Variants in PCDHA12 observed in about 807,000 individuals in gnomAD.
PCDHA12 encodes protocadherin alpha 12.
A neutral mutation model predicts 60.0 loss-of-function variants in PCDHA12; 44 were observed. The observed-to-expected ratio is 0.73, with a 90% CI of 0.58 to 0.94. The LOEUF is 0.94. Ranked by LOEUF, PCDHA12 falls within the 40% of genes least tolerant of loss-of-function variation. PCDHA12 has a pLI of 0.00. For missense variants in PCDHA12, 1,276 were observed against 1,239.7 expected, an observed-to-expected ratio of 1.03 and a Z score of -0.44; for synonymous variants, 569 against 553.0, an observed-to-expected ratio of 1.03 and a Z score of -0.40.
At chr5:140,878,923 A>G (rs895670993) in intron 1 of PCDHA12, among the ~76,000 whole-genome samples, 8 of 152,222 alleles carry the variant, frequency 5.3e-5, no homozygotes, top group African/African-American at 1.9e-4. Flanking sequence ...AGCTTCAATC[A>G]ATAATTTTAA....
At chr5:140,957,799 TA>T (rs1430681763) in intron 1 of PCDHA12, among the ~76,000 whole-genome samples, 2 of 152,032 alleles carry the variant, frequency 1.3e-5, no homozygotes, top group African/African-American at 2.4e-5. Context: ...ATATGTTAAG[TA>T]AAAAAAAGTC....
chr5:140,968,737 C>T, intron 1 of PCDHA12: 2 of 1,614,148 alleles, frequency 1.2e-6, no homozygotes, highest in Non-Finnish European at 1.7e-6. Flanking sequence ...GCACTTTCAA[C>T]CTGACCGTGG....
chr5:140,902,822 C>T (rs1239042138), intron 1 of PCDHA12, among the ~76,000 whole-genome samples: 4 of 151,576 alleles, frequency 2.6e-5, no homozygotes, highest in Admixed American at 2.0e-4. Context: ...ATTTGGTTTT[C>T]GATTTCTGAG....
intron 1 of PCDHA12, among the ~76,000 whole-genome samples, chr5:140,955,368 G>C (rs1554221882): frequency 6.6e-6 from 1 of 152,122 alleles, no homozygotes; most frequent in Admixed American, 6.5e-5. Flanking sequence ...CCCAGTGGGA[G>C]GTAATTGAAT....
chr5:140,894,819 G>T (rs974558361), intron 1 of PCDHA12, among the ~76,000 whole-genome samples: 6 of 151,474 alleles, frequency 4.0e-5, no homozygotes, highest in African/African-American at 1.2e-4. Context: ...TATCAGATTT[G>T]CCCATAATCC....
intron 1 of PCDHA12, chr5:140,927,374 ACAGCCTAAGCCCCAGT>A: frequency 6.2e-7 from 1 of 1,614,100 alleles, no homozygotes; most frequent in Non-Finnish European, 8.5e-7. Flanking sequence ...ATACTAAGCT[ACAGCCTAAGCCCCAGT>A]CAGCACTTTC....
intron 1 of PCDHA12, chr5:140,929,103 G>A: frequency 6.2e-7 from 1 of 1,614,180 alleles, no homozygotes; most frequent in African/African-American, 1.3e-5. Flanking sequence ...ATCCTTGCAT[G>A]ACATCAGCCA....
At chr5:140,898,984 C>T (rs1237034997) in intron 1 of PCDHA12, among the ~76,000 whole-genome samples, 3 of 151,964 alleles carry the variant, frequency 2.0e-5, no homozygotes, top group Non-Finnish European at 4.4e-5. Flanking sequence ...TGATTTGGCT[C>T]TCTGTTTGTC....
In PCDHA12 at chr5:140,922,291, T is replaced by A. The variant is rs951080588; in HGVS notation, c.2367+44452T>A. ...AGATTGGACCAAGATATGAAAATGC[T>A]AGGAGAGGATACCTTTCACTGAAGA... On this transcript the variant is annotated intron_variant, in intron 1 of 3. Coordinates refer to ENST00000398631, the MANE Select transcript of PCDHA12 (RefSeq NM_018903.4). Among the ~76,000 whole-genome samples, 38 of 152,228 alleles carry A rather than the reference T, an allele frequency of 2.5e-4. 1 individual carries two copies. The highest frequency in any genetic ancestry group is 1.5e-5 in the Non-Finnish European group (1 of 68,048).
chr5:140,942,846 A>C (rs1239885134), intron 1 of PCDHA12, among the ~76,000 whole-genome samples: 1 of 152,312 alleles, frequency 6.6e-6, no homozygotes, highest in East Asian at 1.9e-4. Flanking sequence ...AAATTCCAGT[A>C]AGATGATTAT....
intron 3 of PCDHA12, among the ~76,000 whole-genome samples, chr5:140,994,812 A>G (rs565084284): frequency 6.6e-5 from 10 of 152,328 alleles, no homozygotes; most frequent in African/African-American, 2.2e-4. Flanking sequence ...CAAAATACAA[A>G]AAACTGAATT....
intron 1 of PCDHA12, among the ~76,000 whole-genome samples, chr5:140,933,221 G>A (rs952837794): frequency 2.0e-5 from 3 of 151,758 alleles, no homozygotes; most frequent in Non-Finnish European, 4.4e-5. Flanking sequence ...CTGTTATATT[G>A]CATTTATGAA....
chr5:140,893,753 A>G (rs1007226278), intron 1 of PCDHA12, among the ~76,000 whole-genome samples: 3 of 152,106 alleles, frequency 2.0e-5, no homozygotes, highest in South Asian at 2.1e-4. Context: ...GAATTTTCTT[A>G]TAGGTGACTT....
chr5:140,925,782 A>T (rs567008166), intron 1 of PCDHA12, among the ~76,000 whole-genome samples: 10 of 152,174 alleles, frequency 6.6e-5, no homozygotes, highest in Admixed American at 4.6e-4. Context: ...AACTCTAATG[A>T]GTATCTCAGT....
rs377133743 is a variant in PCDHA12, at chr5:140,875,740, A to G, written c.268A>G (p.Ile90Val). ...QNGILFVNSR[I>V]DREKLCGRSA... ...TGGCATTTTGTTTGTGAATTCTCGG[A>G]TCGACCGCGAGAAGCTGTGCGGGCG... The change falls in exon 1 of 4, where the codon ATC (isoleucine) becomes GTC (valine). Residue 90 changes from isoleucine (I) to valine (V), a missense_variant. Transcript: ENST00000398631. The G allele has an allele frequency of 8.7e-6, 14 of 1,614,104 alleles. No homozygotes were observed. The highest frequency in any genetic ancestry group is 1.2e-5 in the Non-Finnish European group (14 of 1,180,054).
chr5:140,883,643 G>A (rs1182808577), intron 1 of PCDHA12: 2 of 1,613,822 alleles, frequency 1.2e-6, no homozygotes, highest in Non-Finnish European at 1.7e-6. Context: ...CGCGCAGCCC[G>A]AGTACACGGT....
At chr5:140,989,319 A>G (rs1291622013) in intron 3 of PCDHA12, among the ~76,000 whole-genome samples, 1 of 152,138 alleles carries the variant, frequency 6.6e-6, no homozygotes, top group Admixed American at 6.5e-5. Context: ...GGGTCTCACC[A>G]ACTTTGCCAC....
Position 140,963,857 on chromosome 5 carries a change from G to A in PCDHA12, c.2368-15092G>A, listed in dbSNP as rs181224305. The stretch of plus-strand genomic sequence containing the variant: ...TTCTCATGTAATCATAATAATAACC[G>A]TATGAGTTTTGCTTACTATTGTTTT... On this transcript the variant is annotated intron_variant, in intron 1 of 3. Transcript: ENST00000398631. Among the ~76,000 whole-genome samples the A allele has an allele frequency of 5.3e-5, 8 of 152,252 alleles. 1 individual carries two copies. The East Asian group carries it at 7.7e-4, about 15-fold the overall frequency.
chr5:140,928,989 A>T (rs1554206541), intron 1 of PCDHA12: 1 of 1,613,824 alleles, frequency 6.2e-7, no homozygotes, highest in Non-Finnish European at 8.5e-7. Context: ...TGGGGTGCTT[A>T]CTTTTCTTCG....
Sources: gnomAD v4.1 joint callset for allele counts (sites outside exome capture counted in the v4.1 genomes callset) on GRCh38, gnomAD v4.1.1 for gene constraint, MANE v1.5 for transcripts, NCBI Gene and HGNC (gene_info 2026-07-23, HGNC 2026-07-21) for gene names.